DDX20: variants seen among roughly 807,000 people sequenced by gnomAD.
DDX20 encodes probable ATP-dependent RNA helicase DDX20.
A neutral mutation model predicts 76.4 loss-of-function variants in DDX20; 61 were observed. That is an observed-to-expected ratio of 0.80 (90% CI 0.65 to 0.99). The LOEUF is 0.99. Ranked by LOEUF, DDX20 falls within the 50% of genes least tolerant of loss-of-function variation. DDX20 has a pLI of 0.00. For synonymous variants in DDX20, 357 were observed against 357.4 expected (o/e 1.00, Z 0.01); for missense variants, 976 against 996.8 (o/e 0.98, Z 0.28).
intron 3 of DDX20, 73 bp downstream of exon 3, chr1:111,759,641 T>G (rs547168646): frequency 7.2e-7 from 1 of 1,380,052 alleles, no homozygotes; most frequent in African/African-American, 1.5e-5. Context: ...AATAAAGATA[T>G]ATGGGAGTCT....
chr1:111,761,973 T>C (rs1390246783), intron 7 of DDX20: 2 of 269,490 alleles, frequency 7.4e-6, no homozygotes, highest in African/African-American at 4.4e-5. Flanking sequence ...AATTGCTAGT[T>C]ATACTTCATA....
rs537698473 is a variant in DDX20, at chr1:111,765,980, A to C, written c.1556A>C (p.Lys519Thr). Residue 519 changes from lysine to threonine, a missense_variant, in exon 11 of 11, where the codon AAA (lysine) becomes ACA (threonine). Around this residue, in one of 3 missense-constraint regions of DDX20, gnomAD observed 630 missense variants for 693.7 expected, o/e 0.91. Coordinates refer to ENST00000369702, the MANE Select transcript of DDX20 (RefSeq NM_007204.5). ...KNNTKQKLPV[K>T]SHSECGIIEK... The stretch of plus-strand genomic sequence containing the variant: ...AATACCAAACAAAAGCTTCCTGTGA[A>C]AAGCCACTCAGAATGTGGAATCATA... 2 of 1,613,906 alleles carry C rather than the reference A, an allele frequency of 1.2e-6. No individual in the cohort carries two copies. The highest frequency in any genetic ancestry group is 4.5e-5 in the East Asian group (2 of 44,884).
At position 111,766,230 on chromosome 1, in the gene DDX20, T is replaced by TAA; in HGVS notation, c.1808_1809dup (p.Glu604LysfsTer4). 1 of 1,614,152 alleles carries TAA rather than the reference T, an allele frequency of 6.2e-7. No individual in the cohort carries two copies. The highest frequency in any genetic ancestry group is 1.3e-5 in the African/African-American group (1 of 75,036). On this transcript the variant is annotated frameshift_variant, in exon 11 of 11. Transcript: ENST00000369702. LOFTEE classifies it high-confidence loss of function. ...TGGTAGAGGATTATGAACATTATAT[T>TAA]AAAGAGGGGTTAGAGAAACCTGTGG... is the stretch of plus-strand genomic sequence containing the variant.
Position 111,762,892 on chromosome 1 carries a change from C to G in DDX20, c.1211-14C>G. 1 of 1,603,012 alleles carries G rather than the reference C, an allele frequency of 6.2e-7. No homozygotes were observed. Among genetic ancestry groups the G allele is most frequent in the East Asian group, 2.2e-5 (1 of 44,780 alleles). On this transcript the variant is annotated splice_polypyrimidine_tract_variant and intron_variant, in intron 9 of 10. Coordinates refer to ENST00000369702, the MANE Select transcript of DDX20 (RefSeq NM_007204.5). Reference sequence around the variant, plus strand: ...TGAAAATGATTTACTACCTAACATTCTCTCTGCTTTTAGGTACATTGGGGC... The same window carrying G: ...TGAAAATGATTTACTACCTAACATTGTCTCTGCTTTTAGGTACATTGGGGC...
Position 111,766,162 on chromosome 1 carries a change from T to G in DDX20, c.1738T>G (p.Ser580Ala), listed in dbSNP as rs544427709. ...ACTCCCCCAGATTCCTTGTCTGTCT[T>G]CCTTTAAAATCCATCAGCCATACAC... Reference protein sequence around the residue: ...VSLPQIPCLSSFKIHQPYTLT... With the variant: ...VSLPQIPCLSAFKIHQPYTLT... Residue 580 changes from serine to alanine, a missense_variant, in exon 11 of 11, where the codon TCC becomes GCC. Around this residue, in one of 3 missense-constraint regions of DDX20, gnomAD observed 630 missense variants for 693.7 expected, o/e 0.91. Transcript: ENST00000369702. 58 of 1,614,182 alleles carry G rather than the reference T, an allele frequency of 3.6e-5. No individual in the cohort carries two copies. Among genetic ancestry groups the G allele is most frequent in the Middle Eastern group, 1.6e-4 (1 of 6,062 alleles).
chr1:111,763,266 A>G (rs1369437629), intron 10 of DDX20, among the ~76,000 whole-genome samples: 1 of 152,172 alleles, frequency 6.6e-6, no homozygotes, highest in Non-Finnish European at 1.5e-5. Flanking sequence ...CAAGCTAACC[A>G]CTGGCACATG....
intron 8 of DDX20, 70 bp downstream of exon 8, chr1:111,762,407 TCA>T (rs1269414323): frequency 7.9e-7 from 1 of 1,263,054 alleles, no homozygotes; most frequent in East Asian, 2.3e-5. Context: ...TGTACAGATT[TCA>T]TATATTATTT....
rs1315886811 is a variant in DDX20 at position 111,756,144 on chromosome 1, C to T, written c.220C>T (p.Leu74=). Residue 74 remains leucine (L), a synonymous_variant, in exon 1 of 11, where the codon CTG becomes TTG. Transcript: ENST00000369702. ...FESLLLSRPV[L]EGLRAAGFER... ...GTCACTGCTGCTTTCGCGGCCGGTG[C>T]TGGAGGGGCTGCGGGCGGCCGGCTT... 6.4e-7 allele frequency: 1 copy of T among 1,570,256 alleles called. No individual in the cohort carries two copies. The highest frequency in any genetic ancestry group is 2.3e-5 in the East Asian group (1 of 43,008).
At chr1:111,765,014 C>T (rs1464608623) in intron 10 of DDX20, among the ~76,000 whole-genome samples, 1 of 152,226 alleles carries the variant, frequency 6.6e-6, no homozygotes, top group Non-Finnish European at 1.5e-5. Flanking sequence ...ATAGCAACAA[C>T]AGGCAAGATC....
chr1:111,766,367 A>T lies in DDX20; in HGVS notation c.1943A>T (p.Gln648Leu), dbSNP rs768802481. The T allele has an allele frequency of 1.2e-6, 2 of 1,614,182 alleles. No homozygotes were observed. Among genetic ancestry groups the T allele is most frequent in the Non-Finnish European group, 1.7e-6 (2 of 1,180,020 alleles). The part of the protein sequence containing the change: ...QRVPVLASSS[Q>L]SGDSESDSDS... ...GTCCCTGTGTTGGCAAGTAGTAGCC[A>T]ATCTGGAGACTCTGAGAGTGACAGT... The change falls in exon 11 of 11, where the codon CAA becomes CTA. Residue 648 changes from glutamine to leucine, a missense_variant. Gln to Leu is a moderately radical substitution (Grantham distance 113). Coordinates refer to ENST00000369702, the MANE Select transcript of DDX20 (RefSeq NM_007204.5).
At position 111,766,893 on chromosome 1, in the gene DDX20, C is replaced by A; in HGVS notation, c.2469C>A (p.Asn823Lys). The change falls in exon 11 of 11, where the codon AAC becomes AAA. Residue 823 changes from asparagine to lysine, a missense_variant. By Grantham distance (94) the Asn-to-Lys change is moderately conservative (BLOSUM62 0). This residue lies in a region of DDX20 where 630 missense variants were observed against 693.7 expected (regional missense o/e 0.91). Coordinates refer to ENST00000369702, the MANE Select transcript of DDX20 (RefSeq NM_007204.5). ...ATCTACAAGAAATGATGCATAGTAA[C>A]CAGTGATTATAGGATATACCTGAGA... Reference protein sequence around the residue: ...TIYLQEMMHSNQ With the variant: ...TIYLQEMMHSKQ 6.2e-7 allele frequency: 1 copy of A among 1,606,658 alleles called. No individual in the cohort carries two copies. The highest frequency in any genetic ancestry group is 8.5e-7 in the Non-Finnish European group (1 of 1,177,304).
Position 111,760,938 on chromosome 1 carries a change from G to T in DDX20, c.824-49G>T, listed in dbSNP as rs200086614. 1.0e-4 allele frequency: 163 copies of T among 1,600,252 alleles called. 2 individuals are homozygous for T. In the African/African-American group the frequency reaches 1.8e-3, roughly 18 times the overall value. On this transcript the variant is annotated intron_variant, in intron 5 of 10. Transcript: ENST00000369702. ...CCTAGTTTTGTCTTGCTGTTTCATG[G>T]TTACCATTAGCATATATATTTGTTT...
In DDX20 at chr1:111,766,674, C is replaced by G. The variant is rs548304564; in HGVS notation, c.2250C>G (p.Ala750=). ...RRSSFRLQTE[A]QEDDWYDCHR... ...CTTCCTTCAGATTGCAGACTGAAGC[C>G]CAGGAAGATGATTGGTATGACTGTC... The change falls in exon 11 of 11, where the codon GCC becomes GCG. Residue 750 remains alanine (A), a synonymous_variant. Transcript: ENST00000369702. The G allele has an allele frequency of 1.2e-6, 2 of 1,614,060 alleles. No individual in the cohort carries two copies. The highest frequency in any genetic ancestry group is 1.7e-6 in the Non-Finnish European group (2 of 1,180,004).
chr1:111,760,426 C>T lies in DDX20; in HGVS notation c.566-48C>T, dbSNP rs974881926. 5 of 1,295,928 alleles carry T rather than the reference C, an allele frequency of 3.9e-6. No homozygotes were observed. The South Asian group carries it at 5.2e-5, about 14-fold the overall frequency. 80.3% of individuals were successfully genotyped at this position (1,295,928 alleles called of 1,614,324 possible). A position where few individuals can be genotyped will look rare whatever the true frequency, so the allele number is the denominator to read the frequency against. On this transcript the variant is annotated intron_variant, in intron 3 of 10. Transcript: ENST00000369702. ...GAGTAACAATATTGGCTGAGATTTA[C>T]ACAAATTTGGTACATCATAAATATT...
At chr1:111,761,986 T>C (rs1571611187) in intron 7 of DDX20, 1 of 298,702 alleles carries the variant, frequency 3.3e-6, no homozygotes, top group East Asian at 6.0e-5. Flanking sequence ...ACTTCATATG[T>C]AACTTTGCAA....
intron 3 of DDX20, among the ~76,000 whole-genome samples, chr1:111,759,969 A>G (rs197402): frequency 0.42 from 55,747 of 131,706 alleles, 12,780 homozygotes; most frequent in African/African-American, 0.64. Context: ...GCGAGACTCC[A>G]TCTCAAAAAA....
chr1:111,761,956 T>G, intron 7 of DDX20: 1 of 229,106 alleles, frequency 4.4e-6, no homozygotes. Context: ...ATTTTTATTT[T>G]CCTAAGAATT....
At chr1:111,758,423 C>T (rs1033700426) in intron 2 of DDX20, among the ~76,000 whole-genome samples, 1 of 148,298 alleles carries the variant, frequency 6.7e-6, no homozygotes, top group African/African-American at 2.5e-5. Flanking sequence ...TTGTTTTCTC[C>T]TCCTCCAGTA....
At chr1:111,756,268 G>GGC in intron 1 of DDX20, 43 bp downstream of exon 1, 5 of 739,092 alleles carry the variant, frequency 6.8e-6, no homozygotes, top group Non-Finnish European at 9.8e-6. Flanking sequence ...TGGGGTGGGA[G>GGC]AAGGGGGACC....
Sources: allele counts gnomAD v4.1 joint callset (sites outside exome capture counted in the v4.1 genomes callset), GRCh38; gene constraint gnomAD v4.1.1; regional missense constraint gnomAD v4.1.1; transcripts MANE v1.5; gene names NCBI Gene and HGNC (gene_info 2026-07-23, HGNC 2026-07-21).